Variants in PTPRN2 observed in about 807,000 individuals in gnomAD.
PTPRN2 encodes the protein protein tyrosine phosphatase receptor type N2, also known as receptor-type tyrosine-protein phosphatase N2.
A neutral mutation model predicts 118.8 loss-of-function variants in PTPRN2; 74 were observed. The ratio of observed to expected loss-of-function variants is 0.62; its 90% CI spans 0.52 to 0.76. The LOEUF is 0.76. PTPRN2 is among the 30% of genes least tolerant of loss of function. The probability of loss-of-function intolerance (pLI) is 0.00; values close to 1 mark genes in which losing one functional copy is unlikely to be tolerated. For missense variants in PTPRN2, 1,481 were observed against 1,394.4 expected (o/e 1.06, Z -0.99); for synonymous variants, 641 against 608.0 (o/e 1.05, Z -0.80).
Position 158,441,018 on chromosome 7 carries a change from G to A in PTPRN2, c.163+48717C>T, listed in dbSNP as rs565452630. On this transcript the variant is annotated intron_variant, in intron 2 of 22. Coordinates refer to ENST00000389418, the MANE Select transcript of PTPRN2 (RefSeq NM_002847.5). Reference sequence around the variant, plus strand: ...GGCAGTGATGGGGGTGGTGGTAGTCGTGGTGGTGGTGACAGTGGTAGTAGT... The same window carrying A: ...GGCAGTGATGGGGGTGGTGGTAGTCATGGTGGTGGTGACAGTGGTAGTAGT... 3.8e-4 allele frequency among the ~76,000 whole-genome samples: 56 copies of A among 148,680 alleles called. 1 individual carries two copies. In the South Asian group the frequency reaches 0.012, roughly 31 times the overall value.
intron 12 of PTPRN2, among the ~76,000 whole-genome samples, chr7:157,772,842 C>T (rs942459438): frequency 6.6e-6 from 1 of 152,358 alleles, no homozygotes; most frequent in East Asian, 1.9e-4. Flanking sequence ...CTCCTTTGTG[C>T]GAGGTCCCAT....
chr7:158,441,612 AGTGGTGGTGGTGGTGATAGTG>A (rs1817248928), intron 2 of PTPRN2, among the ~76,000 whole-genome samples: 1 of 132,338 alleles, frequency 7.6e-6, no homozygotes, highest in African/African-American at 2.9e-5. Flanking sequence ...TGGTGATGGC[AGTGGTGGTGGTGGTGATAGTG>A]ATGGTGATGG....
intron 11 of PTPRN2, among the ~76,000 whole-genome samples, chr7:157,999,123 C>T (rs558538052): frequency 4.6e-5 from 7 of 152,124 alleles, no homozygotes; most frequent in African/African-American, 1.7e-4. Context: ...AAACGTGAGC[C>T]TCATGCCAGA....
chr7:158,414,684 T>C (rs1246063671), intron 2 of PTPRN2, among the ~76,000 whole-genome samples: 1 of 152,186 alleles, frequency 6.6e-6, no homozygotes, highest in Non-Finnish European at 1.5e-5. Context: ...ATTGCCGGCA[T>C]TGTGCCGTGC....
At chr7:158,070,969 C>CTGGT (rs1811351932) in intron 11 of PTPRN2, among the ~76,000 whole-genome samples, 1 of 16,632 alleles carries the variant, frequency 6.0e-5, no homozygotes, top group African/African-American at 3.8e-4. Flanking sequence ...GAGGTGCTCA[C>CTGGT]GGTGGAGGTG....
chr7:158,083,008 C>T (rs750583463), intron 10 of PTPRN2, among the ~76,000 whole-genome samples: 10 of 152,170 alleles, frequency 6.6e-5, no homozygotes, highest in Non-Finnish European at 5.9e-5. Flanking sequence ...CTCCTGCCAA[C>T]GATGTTCCAC....
At chr7:157,584,445 G>A (rs902200592) in intron 17 of PTPRN2, among the ~76,000 whole-genome samples, 6 of 152,162 alleles carry the variant, frequency 3.9e-5, no homozygotes, top group African/African-American at 1.4e-4. Flanking sequence ...AAAGATAACC[G>A]AAAGAAAATG....
chr7:158,083,655 C>T lies in PTPRN2; in HGVS notation c.1644-2278G>A, dbSNP rs879602378. On this transcript the variant is annotated intron_variant, in intron 10 of 22. Transcript: ENST00000389418. ...CACACAGCCCGTGTCCTTTCTTGCA[C>T]GCATGCCGAGCGTCACCATTGCGTG... 3.9e-5 allele frequency among the ~76,000 whole-genome samples: 6 copies of T among 152,338 alleles called. 1 individual carries two copies. Among genetic ancestry groups the T allele is most frequent in the African/African-American group, 1.4e-4 (6 of 41,590 alleles).
rs756522998 is a variant in PTPRN2, at chr7:157,676,579, C to G, written c.2001+6146G>C. 6.6e-6 allele frequency among the ~76,000 whole-genome samples: 1 copy of G among 152,216 alleles called. No homozygotes were observed. Among genetic ancestry groups the G allele is most frequent in the Admixed American group, 6.5e-5 (1 of 15,284 alleles). ...TCCAGACCCACGGGACAGAAAAGCC[C>G]GGGCCAGCCCCTCAACACCCTGCAG... On this transcript the variant is annotated intron_variant, in intron 13 of 22. Transcript: ENST00000389418. The surrounding 1 kb of genome is among the most constrained non-coding windows in gnomAD (Gnocchi z 5.6).
rs1563278702 is a variant in PTPRN2 at position 158,425,227 on chromosome 7, GCCT to G, written c.163+64505_163+64507del. Among the ~76,000 whole-genome samples, 13 of 14,836 alleles carry G rather than the reference GCCT, an allele frequency of 8.8e-4. 1 individual carries two copies. Among genetic ancestry groups the G allele is most frequent in the East Asian group, 2.3e-3 (1 of 444 alleles). 9.7% of individuals were successfully genotyped at this position (14,836 alleles called of 152,430 possible). On this transcript the variant is annotated intron_variant, in intron 2 of 22. Transcript: ENST00000389418. ...GGGAAAGACGCGGTGTCCGAGTCCA[GCCT>G]AGCTGAGGCCTGCGCACCGCCGGGA...
chr7:157,646,944 AGGGT>A (rs1805131390), intron 14 of PTPRN2, among the ~76,000 whole-genome samples: 1 of 136,420 alleles, frequency 7.3e-6, no homozygotes, highest in Admixed American at 7.3e-5. Flanking sequence ...AGACCCATCC[AGGGT>A]GCACTGAACT....
chr7:158,557,210 C>A lies in PTPRN2; in HGVS notation c.112+30348G>T, dbSNP rs573809163. On this transcript the variant is annotated intron_variant, in intron 1 of 22. Transcript: ENST00000389418. ...CAGGTCAGGCGGCTCCCACGCAGGT[C>A]GCTCCCACGCAGGTCAGAGGGCTCC... Among the ~76,000 whole-genome samples the A allele has an allele frequency of 3.0e-3, 406 of 135,930 alleles. 2 individuals carry two copies. Among genetic ancestry groups the A allele is most frequent in the African/African-American group, 0.012 (390 of 31,568 alleles). The allele number at this position is 135,930 out of a possible 152,430, so 89.2% of individuals were successfully genotyped here.
chr7:157,757,520 C>T (rs1487245548), intron 12 of PTPRN2, among the ~76,000 whole-genome samples: 1 of 151,924 alleles, frequency 6.6e-6, no homozygotes, highest in Non-Finnish European at 1.5e-5. Context: ...ACTTTGGATA[C>T]GGGCAGAGGA....
chr7:158,493,259 A>G (rs1367661420), intron 1 of PTPRN2, among the ~76,000 whole-genome samples: 1 of 152,262 alleles, frequency 6.6e-6, no homozygotes, highest in African/African-American at 2.4e-5. Context: ...ACCCACAAGC[A>G]TGTGCACACA....
intron 11 of PTPRN2, among the ~76,000 whole-genome samples, chr7:157,950,066 T>G (rs1585071878): frequency 6.6e-6 from 1 of 152,228 alleles, no homozygotes; most frequent in Non-Finnish European, 1.5e-5. Context: ...AAAAATATCT[T>G]GGTAAAAAAA....
In PTPRN2 at chr7:157,576,765, G is replaced by T; in HGVS notation, c.2631C>A (p.Ser877=). 1 of 1,603,940 alleles carries T rather than the reference G, an allele frequency of 6.2e-7. No individual in the cohort carries two copies. Among genetic ancestry groups the T allele is most frequent in the East Asian group, 2.2e-5 (1 of 44,500 alleles). Residue 877 remains serine, a synonymous_variant, in exon 19 of 23, where the codon TCC becomes TCA. Coordinates refer to ENST00000389418, the MANE Select transcript of PTPRN2 (RefSeq NM_002847.5). ...GGAAGTCCTCACACCAGATGTGCTC[G>T]GAGACCAGGTTCACCTGGCAGGGAG... is the stretch of plus-strand genomic sequence containing the variant. ...LYHIYEVNLV[S]EHIWCEDFLV... is the part of the protein sequence containing the mutation.
At chr7:157,631,739 G>A (rs1398893103) in intron 14 of PTPRN2, among the ~76,000 whole-genome samples, 1 of 152,138 alleles carries the variant, frequency 6.6e-6, no homozygotes, top group Non-Finnish European at 1.5e-5. Context: ...GGCTGAGGCA[G>A]GAGAACGGCG....
rs1258072019 is a variant in PTPRN2 at position 157,615,672 on chromosome 7, A to T, written c.2344+5690T>A. 2.2e-6 allele frequency: 1 copy of T among 459,664 alleles called. No individual in the cohort carries two copies. Among genetic ancestry groups the T allele is most frequent in the Non-Finnish European group, 4.6e-6 (1 of 218,428 alleles). The allele number at this position is 459,664 out of a possible 1,614,324, so 28.5% of individuals were successfully genotyped here. A position where few individuals can be genotyped will look rare whatever the true frequency, so the allele number is the denominator to read the frequency against. ...TCAATGACTTGACGACGTGAAAAACATGTTTATAAAACGAGCAGATGGTGC... is the reference window on the plus strand; with the variant it reads ...TCAATGACTTGACGACGTGAAAAACTTGTTTATAAAACGAGCAGATGGTGC... On this transcript the variant is annotated intron_variant, in intron 15 of 22. Coordinates refer to ENST00000389418, the MANE Select transcript of PTPRN2 (RefSeq NM_002847.5). This position sits in a 1 kb window ranked among gnomAD's most constrained non-coding sequence, Gnocchi z 4.3.
At chr7:158,218,035 A>C (rs557722743) in intron 3 of PTPRN2, among the ~76,000 whole-genome samples, 2 of 152,354 alleles carry the variant, frequency 1.3e-5, no homozygotes, top group East Asian at 3.9e-4. Context: ...GATACAGTCC[A>C]TGAAAATTTT....
Sources: gnomAD v4.1 joint callset for allele counts (sites outside exome capture counted in the v4.1 genomes callset) on GRCh38, gnomAD v4.1.1 for gene constraint, Gnocchi (gnomAD v3.1) non-coding constraint, MANE v1.5 for transcripts, NCBI Gene and HGNC (gene_info 2026-07-23, HGNC 2026-07-21) for gene names.